The following IL1RAPL1 variants were observed in gnomAD, a reference collection of about 807,000 sequenced individuals.
IL1RAPL1 encodes the protein interleukin-1 receptor accessory protein-like 1.
IL1RAPL1 carries 3 observed loss-of-function variants against 48.4 expected under a neutral mutation model. The observed-to-expected ratio is 0.06, with a 90% CI of 0.03 to 0.16. The LOEUF (loss-of-function observed/expected upper bound fraction) is 0.16. Among genes scored for constraint, IL1RAPL1 ranks in the 10% least tolerant of loss-of-function variants. The pLI is 1.00. For missense variants in IL1RAPL1, 349 were observed against 530.6 expected (o/e 0.66, Z 3.36); for synonymous variants, 185 against 187.7 (o/e 0.99, Z 0.12).
chrX:28,624,032 A>G (rs1165981590), intron 1 of IL1RAPL1, among the ~76,000 whole-genome samples: 1 of 111,946 alleles, frequency 8.9e-6, no homozygotes, highest in Non-Finnish European at 1.9e-5. Flanking sequence ...AACATTTCAT[A>G]TATTTTAGGA....
intron 2 of IL1RAPL1, among the ~76,000 whole-genome samples, chrX:28,948,247 C>T (rs967682865): frequency 2.7e-5 from 3 of 111,566 alleles, no homozygotes; most frequent in Non-Finnish European, 5.7e-5. Flanking sequence ...AATGAATTTA[C>T]TTTCTTCATT....
intron 1 of IL1RAPL1, among the ~76,000 whole-genome samples, chrX:28,776,724 A>G (rs774458039): frequency 1.8e-5 from 2 of 112,051 alleles, no homozygotes; most frequent in Admixed American, 9.5e-5. Flanking sequence ...TACTCTAAAT[A>G]GACAACAATA....
At chrX:29,665,814 A>G (rs1330297408) in intron 5 of IL1RAPL1, among the ~76,000 whole-genome samples, 1 of 112,171 alleles carries the variant, frequency 8.9e-6, no homozygotes, top group East Asian at 2.8e-4. Flanking sequence ...ATGATGACAG[A>G]TTGCATGGCA....
intron 2 of IL1RAPL1, among the ~76,000 whole-genome samples, chrX:28,993,011 C>T (rs1400720262): frequency 8.9e-6 from 1 of 111,967 alleles, no homozygotes; most frequent in Non-Finnish European, 1.9e-5. Context: ...ATTACCAGAT[C>T]AGCAACCTCA....
At chrX:29,275,219 G>T (rs1293390837) in intron 2 of IL1RAPL1, among the ~76,000 whole-genome samples, 1 of 111,587 alleles carries the variant, frequency 9.0e-6, no homozygotes, top group East Asian at 2.8e-4. Flanking sequence ...AGATCCTTAG[G>T]TCCCAATCCA....
intron 2 of IL1RAPL1, among the ~76,000 whole-genome samples, chrX:29,056,671 G>A (rs1357311970): frequency 9.0e-6 from 1 of 111,378 alleles, no homozygotes; most frequent in African/African-American, 3.3e-5. Context: ...TGTGTAGGAT[G>A]TGCAGGTTTG....
intron 1 of IL1RAPL1, among the ~76,000 whole-genome samples, chrX:28,773,417 A>T (rs933612420): frequency 9.1e-6 from 1 of 110,148 alleles, no homozygotes; most frequent in African/African-American, 3.3e-5. Flanking sequence ...TCACTTTACC[A>T]CTCTTTGAGA....
chrX:29,555,025 CAG>C (rs1319020650), intron 5 of IL1RAPL1, among the ~76,000 whole-genome samples: 1 of 112,566 alleles, frequency 8.9e-6, no homozygotes, highest in Admixed American at 9.4e-5. Flanking sequence ...CAAGTCTGTG[CAG>C]AGTTTACTCT....
intron 4 of IL1RAPL1, among the ~76,000 whole-genome samples, chrX:29,397,926 T>C (rs191942099): frequency 8.9e-6 from 1 of 112,238 alleles, no homozygotes; most frequent in Non-Finnish European, 1.9e-5. Context: ...GTGTAAAAAG[T>C]GGCTGGTCCT....
chrX:29,838,526 A>C (rs1447684479), intron 6 of IL1RAPL1, among the ~76,000 whole-genome samples: 1 of 112,115 alleles, frequency 8.9e-6, no homozygotes, highest in East Asian at 2.8e-4. Flanking sequence ...GCCACTGTTC[A>C]TTTTCACAGA....
intron 8 of IL1RAPL1, among the ~76,000 whole-genome samples, chrX:29,923,030 T>G (rs912190727): frequency 3.6e-5 from 4 of 112,202 alleles, no homozygotes; most frequent in Non-Finnish European, 7.5e-5. Context: ...CAATTTTTCC[T>G]TCACTGTTAC....
intron 6 of IL1RAPL1, among the ~76,000 whole-genome samples, chrX:29,704,105 T>C (rs1927128263): frequency 9.1e-6 from 1 of 109,660 alleles, no homozygotes; most frequent in Non-Finnish European, 1.9e-5. Flanking sequence ...ATTTTATTTT[T>C]TTTTGGTGGA....
At chrX:29,454,807 AT>A (rs1355849414) in intron 5 of IL1RAPL1, among the ~76,000 whole-genome samples, 1,753 of 102,482 alleles carry the variant, frequency 0.017, 18 homozygotes, top group African/African-American at 0.045. Context: ...CTTCCGTTTG[AT>A]TTTTTTTTTT....
chrX:29,736,582 C>A (rs372805702), intron 6 of IL1RAPL1, among the ~76,000 whole-genome samples: 99 of 111,356 alleles, frequency 8.9e-4, no homozygotes, highest in African/African-American at 3.2e-3. Context: ...AAAAATTAGC[C>A]GGGCGTTGTG....
At chrX:29,695,640 C>A (rs1926892437) in intron 6 of IL1RAPL1, among the ~76,000 whole-genome samples, 1 of 105,835 alleles carries the variant, frequency 9.4e-6, no homozygotes, top group South Asian at 4.1e-4. Flanking sequence ...CAGAGAGAAT[C>A]TTTTATCTGC....
chrX:29,034,129 A>T (rs1926678897), intron 2 of IL1RAPL1, among the ~76,000 whole-genome samples: 1 of 112,095 alleles, frequency 8.9e-6, no homozygotes, highest in South Asian at 3.7e-4. Context: ...TCACTTCAGA[A>T]CTTAGTCCAT....
At chrX:29,796,855 C>G (rs1284303975) in intron 6 of IL1RAPL1, among the ~76,000 whole-genome samples, 2 of 112,662 alleles carry the variant, frequency 1.8e-5, no homozygotes, top group Non-Finnish European at 3.7e-5. Flanking sequence ...TCTGGCCACA[C>G]AGTCTTTCCT....
At chrX:28,920,244 C>T (rs1178689465) in intron 2 of IL1RAPL1, among the ~76,000 whole-genome samples, 3 of 111,548 alleles carry the variant, frequency 2.7e-5, no homozygotes, top group Non-Finnish European at 5.7e-5. Flanking sequence ...GATTAAAATA[C>T]GGCACTCTGT....
chrX:28,936,589 A>T (rs1448041496), intron 2 of IL1RAPL1, among the ~76,000 whole-genome samples: 1 of 110,438 alleles, frequency 9.1e-6, no homozygotes, highest in South Asian at 3.8e-4. Flanking sequence ...ATATGTATGT[A>T]TGTATGCATA....
Sources: gnomAD v4.1 joint callset for allele counts (sites outside exome capture counted in the v4.1 genomes callset) on GRCh38, gnomAD v4.1.1 for gene constraint, MANE v1.5 for transcripts, NCBI Gene and HGNC (gene_info 2026-07-23, HGNC 2026-07-21) for gene names.